The following TM4SF18 variants were observed in gnomAD, a reference collection of about 807,000 sequenced individuals.
The protein encoded by TM4SF18 is transmembrane 4 L six family member 18.
Under a neutral mutation model 23.8 loss-of-function variants are expected in TM4SF18, and 22 were observed. The ratio of observed to expected loss-of-function variants is 0.92; its 90% CI spans 0.66 to 1.32. TM4SF18 has a LOEUF of 1.32. Among genes scored for constraint, TM4SF18 ranks in the 40% most tolerant of loss-of-function variants. The probability of loss-of-function intolerance (pLI) is 0.00; values close to 1 mark genes in which losing one functional copy is unlikely to be tolerated. For synonymous variants in TM4SF18, 87 were observed against 87.9 expected, an observed-to-expected ratio of 0.99 and a Z score of 0.06; for missense variants, 255 against 240.3, an observed-to-expected ratio of 1.06 and a Z score of -0.41.
At chr3:149,325,600 G>C (rs1018062816) in intron 3 of TM4SF18, among the ~76,000 whole-genome samples, 11 of 152,166 alleles carry the variant, frequency 7.2e-5, no homozygotes, top group African/African-American at 2.7e-4. Context: ...TTGTGAGAAA[G>C]TAGGTTTAAT....
At chr3:149,329,083 C>T (rs1200536383) in intron 3 of TM4SF18, among the ~76,000 whole-genome samples, 1 of 151,562 alleles carries the variant, frequency 6.6e-6, no homozygotes, top group Non-Finnish European at 1.5e-5. Context: ...TTTATTATTT[C>T]CCCTAGGCAA....
intron 2 of TM4SF18, among the ~76,000 whole-genome samples, 156 bp from the exon 3 acceptor site, chr3:149,330,575 CA>C (rs2108362931): frequency 6.6e-6 from 1 of 152,302 alleles, no homozygotes; most frequent in East Asian, 1.9e-4. Context: ...GAATTTGAGA[CA>C]CCTTCTGTAT....
chr3:149,324,828 G>A, intron 4 of TM4SF18, 52 bp downstream of exon 4: 2 of 1,608,622 alleles, frequency 1.2e-6, no homozygotes, highest in Non-Finnish European at 1.7e-6. Context: ...TGAGCATGAG[G>A]CAAGGTGTTT....
At position 149,320,736 on chromosome 3, in the gene TM4SF18, T is replaced by G. The variant is rs1051908261; in HGVS notation, c.*742A>C. The G allele has an allele frequency of 1.3e-5, 2 of 152,132 alleles. No homozygotes were observed. Among genetic ancestry groups the G allele is most frequent in the African/African-American group, 4.8e-5 (2 of 41,416 alleles). The allele number at this position is 152,132 out of a possible 1,614,324, so 9.4% of individuals were successfully genotyped here. A position where few individuals can be genotyped will look rare whatever the true frequency, so the allele number is the denominator to read the frequency against. ...CTTAAAGTTTGGAAAAATAAAAAAA[T>G]TTTAATAGTGAAAATATGAGTTTAG... On this transcript the variant is annotated 3_prime_UTR_variant, in exon 6 of 6. Coordinates refer to ENST00000296059, the MANE Select transcript of TM4SF18 (RefSeq NM_138786.4).
Position 149,320,584 on chromosome 3 carries a change from A to T in TM4SF18, c.*894T>A, listed in dbSNP as rs1329737872. 2 of 152,140 alleles carry T rather than the reference A, an allele frequency of 1.3e-5. No individual in the cohort carries two copies. Among genetic ancestry groups the T allele is most frequent in the Non-Finnish European group, 2.9e-5 (2 of 68,014 alleles). 9.4% of individuals were successfully genotyped at this position (152,140 alleles called of 1,614,324 possible). ...TCAGAAAGGAAGAGCAAGAGTTTAG[A>T]TTGTATAAGTTTATATAAAACTCTT... On this transcript the variant is annotated 3_prime_UTR_variant, in exon 6 of 6. Transcript: ENST00000296059.
rs771203500 is a variant in TM4SF18 at position 149,324,889 on chromosome 3, G to A, written c.401C>T (p.Thr134Ile). The change falls in exon 4 of 6, where the codon ACT becomes ATT. Residue 134 changes from threonine to isoleucine, a missense_variant. Transcript: ENST00000296059. ...GGGAATTATTCCTTACCGTCCAGCA[G>A]TGCCTTCAAAAGCATACTCCCAGCC... ...LDGWEYAFEG[T>I]AGRFLTDSSI... 8 of 1,614,030 alleles carry A rather than the reference G, an allele frequency of 5.0e-6. No homozygotes were observed. In the South Asian group the frequency reaches 8.8e-5, roughly 18 times the overall value.
intron 5 of TM4SF18, 108 bp from the exon 6 acceptor site, chr3:149,321,600 A>T: frequency 1.5e-6 from 1 of 676,034 alleles, no homozygotes; most frequent in Admixed American, 3.1e-5. Flanking sequence ...TCAAAATATG[A>T]TAGAACAGAA....
rs774540427 is a variant in TM4SF18 at position 149,324,895 on chromosome 3, T to C, written c.395A>G (p.Glu132Gly). Residue 132 changes from glutamate to glycine, a missense_variant, in exon 4 of 6, where the codon GAA becomes GGA. By Grantham distance (98) the Glu-to-Gly change is moderately conservative. Transcript: ENST00000296059. ...TATTCCTTACCGTCCAGCAGTGCCTTCAAAAGCATACTCCCAGCCATCAAG... is the reference window on the plus strand; with the variant it reads ...TATTCCTTACCGTCCAGCAGTGCCTCCAAAAGCATACTCCCAGCCATCAAG... The part of the protein sequence containing the change: ...RTLDGWEYAF[E>G]GTAGRFLTDS... 7.4e-6 allele frequency: 12 copies of C among 1,614,068 alleles called. No individual in the cohort carries two copies. In the Admixed American group the frequency reaches 2.0e-4, roughly 27 times the overall value.
chr3:149,324,846 T>C lies in TM4SF18; in HGVS notation c.410+34A>G, dbSNP rs1330894057. 1.9e-6 allele frequency: 3 copies of C among 1,611,838 alleles called. No individual in the cohort carries two copies. The African/African-American group carries it at 4.0e-5, about 22-fold the overall frequency. ...GCATGAGGCAAGGTGTTTCTGATTT[T>C]CCGACCTCCTTGGTTTGGGGAATTA... On this transcript the variant is annotated intron_variant, in intron 4 of 5. Coordinates refer to ENST00000296059, the MANE Select transcript of TM4SF18 (RefSeq NM_138786.4).
At chr3:149,331,682 A>G (rs1201733605) in intron 2 of TM4SF18, among the ~76,000 whole-genome samples, 1 of 152,206 alleles carries the variant, frequency 6.6e-6, no homozygotes, top group African/African-American at 2.4e-5. Flanking sequence ...TATAACTGCA[A>G]TACAGAGGAG....
At chr3:149,333,482 C>CTCTTTTTT (rs4048749) in intron 1 of TM4SF18, 31 bp downstream of exon 1, 7,754 of 235,570 alleles carry the variant, frequency 0.033, 127 homozygotes, top group South Asian at 0.04. Context: ...CTCTCTCTCT[C>CTCTTTTTT]TTTTTTTTTT....
chr3:149,325,088 A>G (rs1730910059), intron 3 of TM4SF18, 66 bp from the exon 4 acceptor site: 2 of 1,520,124 alleles, frequency 1.3e-6, no homozygotes, highest in Admixed American at 3.6e-5. Context: ...TGGATAAATT[A>G]TCAGATAGCT....
At chr3:149,331,760 G>A (rs1332162047) in intron 2 of TM4SF18, among the ~76,000 whole-genome samples, 2 of 152,066 alleles carry the variant, frequency 1.3e-5, no homozygotes, top group African/African-American at 2.4e-5. Context: ...ATTTATTTCT[G>A]GTGTTTTCCC....
At chr3:149,322,904 A>ATTTTTTTTTTTTTTTTTTTTTT (rs1576830684) in intron 4 of TM4SF18, among the ~76,000 whole-genome samples, 4 of 95,308 alleles carry the variant, frequency 4.2e-5, no homozygotes, top group Non-Finnish European at 8.9e-5. Flanking sequence ...TGGCCTCCAG[A>ATTTTTTTTTTTTTTTTTTTTTT]CTTTTTTTTT....
In TM4SF18 at chr3:149,333,244, C is replaced by T. The variant is rs767584166; in HGVS notation, c.139G>A (p.Val47Met). 30 of 1,612,948 alleles carry T rather than the reference C, an allele frequency of 1.9e-5. No individual in the cohort carries two copies. Among genetic ancestry groups the T allele is most frequent in the African/African-American group, 1.2e-4 (9 of 74,870 alleles). ...AAACAGATTCCTTCAAAATACCACA[C>T]GTAGTTGGTGAGTTTATTGCTGGAT... ...YASSNKLTNY[V>M]WYFEGICFSG... The change falls in exon 2 of 6, where the codon GTG (valine) becomes ATG (methionine). Residue 47 changes from valine to methionine, a missense_variant. Val to Met is a conservative substitution (Grantham distance 21, BLOSUM62 1). Transcript: ENST00000296059.
At chr3:149,328,597 T>C (rs1731010463) in intron 3 of TM4SF18, among the ~76,000 whole-genome samples, 1 of 152,228 alleles carries the variant, frequency 6.6e-6, no homozygotes. Flanking sequence ...ATTTTACAAT[T>C]GAAAAGTTTT....
At chr3:149,331,011 C>G (rs960933948) in intron 2 of TM4SF18, among the ~76,000 whole-genome samples, 2 of 152,090 alleles carry the variant, frequency 1.3e-5, no homozygotes, top group African/African-American at 4.8e-5. Context: ...ATCTTATTTC[C>G]TTTTTTTAAA....
chr3:149,330,510 C>T (rs1731066562), intron 2 of TM4SF18, 91 bp from the exon 3 acceptor site: 3 of 805,814 alleles, frequency 3.7e-6, no homozygotes, highest in Non-Finnish European at 5.9e-6. Context: ...AGCATAGAGT[C>T]TGGGGTCAGG....
chr3:149,325,074 A>G, intron 3 of TM4SF18, 52 bp from the exon 4 acceptor site: 2 of 1,568,222 alleles, frequency 1.3e-6, no homozygotes, highest in South Asian at 2.3e-5. Context: ...ACAAGGGGAT[A>G]TTGTGGATAA....
Sources: allele counts gnomAD v4.1 joint callset (sites outside exome capture counted in the v4.1 genomes callset), GRCh38; gene constraint gnomAD v4.1.1; transcripts MANE v1.5; gene names NCBI Gene and HGNC (gene_info 2026-07-23, HGNC 2026-07-21).